The following CHD7 variants were observed in gnomAD, a reference collection of about 807,000 sequenced individuals.
CHD7 encodes the protein chromodomain helicase DNA binding protein 7.
In CHD7, 24 loss-of-function variants were observed where a neutral mutation model predicts 307.3. The ratio of observed to expected loss-of-function variants is 0.08; its 90% CI spans 0.06 to 0.11. The LOEUF (loss-of-function observed/expected upper bound fraction) is 0.11, where lower values mean the gene tolerates loss of function less well. Among genes scored for constraint, CHD7 ranks in the 10% least tolerant of loss-of-function variants. The pLI, the probability that CHD7 is intolerant of heterozygous loss-of-function variation, is 1.00. For synonymous variants in CHD7, 1,363 were observed against 1,349.9 expected, an observed-to-expected ratio of 1.01 and a Z score of -0.21; for missense variants, 3,106 against 3,727.1, an observed-to-expected ratio of 0.83 and a Z score of 4.34.
intron 2 of CHD7, among the ~76,000 whole-genome samples, chr8:60,751,130 AT>A (rs1296174242): frequency 6.6e-6 from 1 of 152,216 alleles, no homozygotes. Flanking sequence ...GATTACAGAC[AT>A]TTTCAAGATT....
At chr8:60,832,542 C>T (rs1181163723) in intron 15 of CHD7, among the ~76,000 whole-genome samples, 5 of 152,028 alleles carry the variant, frequency 3.3e-5, no homozygotes, top group African/African-American at 1.2e-4. Flanking sequence ...GCACTGTGCA[C>T]ATACATGTGT....
chr8:60,861,185 T>C, intron 35 of CHD7, 60 bp downstream of exon 35: 1 of 1,302,696 alleles, frequency 7.7e-7, no homozygotes, highest in Non-Finnish European at 1.1e-6. Context: ...CTTCATTCCC[T>C]TACAACATAG....
chr8:60,794,543 G>C (rs768031138), intron 3 of CHD7, among the ~76,000 whole-genome samples: 1 of 152,070 alleles, frequency 6.6e-6, no homozygotes, highest in Non-Finnish European at 1.5e-5. Context: ...GTATAAAAGA[G>C]GATACCTTCT....
At chr8:60,777,997 T>C (rs1811031017) in intron 2 of CHD7, among the ~76,000 whole-genome samples, 1 of 150,522 alleles carries the variant, frequency 6.6e-6, no homozygotes, top group Non-Finnish European at 1.5e-5. Flanking sequence ...CAGATGTTAA[T>C]GGCATTGATT....
rs780368027 is a variant in CHD7, at chr8:60,830,405, A to G, written c.3606A>G (p.Glu1202=). Residue 1202 remains glutamate (E), a synonymous_variant, in exon 15 of 38, where the codon GAA becomes GAG. Transcript: ENST00000423902. The stretch of plus-strand genomic sequence containing the variant: ...TAGAAAAGAACTTGGCCCCCAAAGA[A>G]GAAACTATTATTGAAGTTGAGCTAA... ...EDVEKNLAPK[E]ETIIEVELTN... is the part of the protein sequence containing the mutation. The G allele has an allele frequency of 6.2e-7, 1 of 1,614,046 alleles. No homozygotes were observed. Among genetic ancestry groups the G allele is most frequent in the Non-Finnish European group, 8.5e-7 (1 of 1,179,878 alleles).
chr8:60,861,555 A>T, intron 35 of CHD7: 1 of 161,182 alleles, frequency 6.2e-6, no homozygotes, highest in Non-Finnish European at 1.4e-5. Context: ...GCAGCCCAAG[A>T]TTGTATTAGC....
intron 21 of CHD7, 93 bp downstream of exon 21, chr8:60,842,145 T>C (rs761279979): frequency 3.9e-6 from 4 of 1,038,326 alleles, no homozygotes; most frequent in Non-Finnish European, 5.6e-6. Flanking sequence ...TGTTTGAATT[T>C]GTGTGACACC....
chr8:60,789,026 T>A (rs1207033155), intron 3 of CHD7, among the ~76,000 whole-genome samples: 5 of 152,226 alleles, frequency 3.3e-5, no homozygotes, highest in African/African-American at 1.2e-4. Flanking sequence ...CCTTTTTGTC[T>A]TTTAATTTTC....
chr8:60,691,782 T>C (rs1806206370), intron 1 of CHD7, among the ~76,000 whole-genome samples: 1 of 152,250 alleles, frequency 6.6e-6, no homozygotes, highest in African/African-American at 2.4e-5. Context: ...TTCTTACCTG[T>C]TTTCTCCAAG....
At chr8:60,761,668 C>G (rs1441944246) in intron 2 of CHD7, among the ~76,000 whole-genome samples, 1 of 151,672 alleles carries the variant, frequency 6.6e-6, no homozygotes, top group African/African-American at 2.4e-5. Flanking sequence ...ATATCTCTGC[C>G]AGACAGCAGA....
At chr8:60,834,477 A>G (rs2150772742) in intron 15 of CHD7, among the ~76,000 whole-genome samples, 1 of 152,362 alleles carries the variant, frequency 6.6e-6, no homozygotes, top group Non-Finnish European at 1.5e-5. Flanking sequence ...TCCTGAATCT[A>G]GAAGCTGGGT....
intron 2 of CHD7, among the ~76,000 whole-genome samples, chr8:60,747,690 C>G (rs1482552173): frequency 6.6e-6 from 1 of 152,184 alleles, no homozygotes; most frequent in East Asian, 1.9e-4. Context: ...CTCACAGACC[C>G]TACAGAAACC....
intron 1 of CHD7, 23 bp from the exon 2 acceptor site, chr8:60,741,236 C>G (rs878967402): frequency 3.5e-6 from 2 of 566,306 alleles, no homozygotes; most frequent in East Asian, 2.8e-5. Flanking sequence ...CCTTCTTCTC[C>G]CCCACCCCAA....
At chr8:60,804,075 A>G (rs1242073960) in intron 6 of CHD7, among the ~76,000 whole-genome samples, 1 of 152,234 alleles carries the variant, frequency 6.6e-6, no homozygotes, top group Admixed American at 6.5e-5. Context: ...GGAGTTGTGC[A>G]AACATAAAAC....
chr8:60,816,257 T>G, intron 7 of CHD7, 130 bp from the exon 8 acceptor site: 1 of 603,382 alleles, frequency 1.7e-6, no homozygotes, highest in Non-Finnish European at 2.9e-6. Flanking sequence ...TATTAAATGT[T>G]GCTCAGCAGC....
rs371491467 is a variant in CHD7, at chr8:60,704,117, T to C, written c.-175+25035T>C. ...ACCTACTCATAGAAAAATTTCTCCC[T>C]TGTTTGAGTTTCCTCAGTACTCATG... is the stretch of plus-strand genomic sequence containing the variant. On this transcript the variant is annotated intron_variant, in intron 1 of 37. Transcript: ENST00000423902. Among the ~76,000 whole-genome samples, 711 of 152,302 alleles carry C rather than the reference T, an allele frequency of 4.7e-3. 2 individuals are homozygous for C. The highest frequency in any genetic ancestry group is 0.016 in the African/African-American group (670 of 41,574).
intron 25 of CHD7, 146 bp from the exon 26 acceptor site, chr8:60,850,347 A>G: frequency 1.0e-6 from 1 of 960,722 alleles, no homozygotes; most frequent in Non-Finnish European, 1.5e-6. Flanking sequence ...AGAATGATCT[A>G]CTAAAACAAG....
intron 1 of CHD7, among the ~76,000 whole-genome samples, chr8:60,690,009 C>T (rs897442900): frequency 2.6e-5 from 4 of 152,156 alleles, no homozygotes; most frequent in African/African-American, 7.2e-5. Context: ...CTCGTATTTG[C>T]GTTAACTTGT....
chr8:60,850,595 C>G lies in CHD7; in HGVS notation c.5507C>G (p.Thr1836Arg). Reference protein sequence around the residue: ...AKAIAAEQRGTDMLADGGDGG... With the variant: ...AKAIAAEQRGRDMLADGGDGG... ...GCCATAGCTGCCGAGCAAAGAGGAA[C>G]AGACATGCTAGCAGATGGTGGTGAC... The change falls in exon 26 of 38, where the codon ACA (threonine) becomes AGA (arginine). Residue 1836 changes from threonine to arginine, a missense_variant. Coordinates refer to ENST00000423902, the MANE Select transcript of CHD7 (RefSeq NM_017780.4). The G allele has an allele frequency of 6.2e-7, 1 of 1,612,944 alleles. No individual in the cohort carries two copies. Among genetic ancestry groups the G allele is most frequent in the Non-Finnish European group, 8.5e-7 (1 of 1,179,400 alleles).
Sources: allele counts gnomAD v4.1 joint callset (sites outside exome capture counted in the v4.1 genomes callset), GRCh38; gene constraint gnomAD v4.1.1; transcripts MANE v1.5; gene names NCBI Gene and HGNC (gene_info 2026-07-23, HGNC 2026-07-21).